The following PALM2AKAP2 variants were observed in gnomAD, a reference collection of about 807,000 sequenced individuals.
The protein encoded by PALM2AKAP2 is PALM2-AKAP2 fusion protein.
In PALM2AKAP2, 37 loss-of-function variants were observed where a neutral mutation model predicts 71.5. That is an observed-to-expected ratio of 0.52 (90% CI 0.40 to 0.68). The LOEUF (loss-of-function observed/expected upper bound fraction) is 0.68. Among genes scored for constraint, PALM2AKAP2 ranks in the 30% least tolerant of loss-of-function variants. The probability of loss-of-function intolerance (pLI) is 0.00; values close to 1 mark genes in which losing one functional copy is unlikely to be tolerated. For synonymous variants in PALM2AKAP2, 468 were observed against 478.8 expected (o/e 0.98, Z 0.29); for missense variants, 1,224 against 1,191.8 (o/e 1.03, Z -0.40).
At chr9:109,723,019 A>T (rs1828427644) in intron 1 of PALM2AKAP2, among the ~76,000 whole-genome samples, 1 of 151,924 alleles carries the variant, frequency 6.6e-6, no homozygotes, top group African/African-American at 2.4e-5. Context: ...TTTTCTGGAA[A>T]CTCCGCAAAA....
chr9:110,022,755 A>C (rs1384257592), intron 7 of PALM2AKAP2, among the ~76,000 whole-genome samples: 3 of 146,166 alleles, frequency 2.1e-5, no homozygotes, highest in South Asian at 4.4e-4. Context: ...CAGTCCCCGG[A>C]GTGTGATGTT....
intron 1 of PALM2AKAP2, among the ~76,000 whole-genome samples, chr9:110,061,660 C>CAT (rs1036111776): frequency 1.1e-4 from 17 of 147,890 alleles, no homozygotes; most frequent in East Asian, 3.9e-4. Flanking sequence ...TGTGTGTGTA[C>CAT]ATATATATAT....
intron 1 of PALM2AKAP2, among the ~76,000 whole-genome samples, chr9:109,851,829 CT>C (rs1829029763): frequency 6.6e-6 from 1 of 152,178 alleles, no homozygotes. Flanking sequence ...GGTTTGCTAA[CT>C]TGAGCATCCT....
chr9:110,090,333 G>A (rs1330424664), intron 1 of PALM2AKAP2: 1 of 456,676 alleles, frequency 2.2e-6, no homozygotes, highest in East Asian at 7.0e-5. Context: ...CGAAGCTGTA[G>A]GCACAGTGGG....
chr9:110,055,560 G>GACCT (rs1330734683), intron 1 of PALM2AKAP2, among the ~76,000 whole-genome samples: 26 of 152,110 alleles, frequency 1.7e-4, no homozygotes, highest in African/African-American at 6.0e-4. Flanking sequence ...CTACGCTTAC[G>GACCT]ACCTAATCAC....
At chr9:109,838,923 C>T (rs560585860) in intron 1 of PALM2AKAP2, among the ~76,000 whole-genome samples, 1 of 152,256 alleles carries the variant, frequency 6.6e-6, no homozygotes, top group South Asian at 2.1e-4. Context: ...AGTCCAGGAC[C>T]AGACGGATTC....
At chr9:110,067,915 T>TTCCCCC (rs1564287708) in intron 1 of PALM2AKAP2, among the ~76,000 whole-genome samples, 19 of 151,328 alleles carry the variant, frequency 1.3e-4, no homozygotes, top group African/African-American at 4.2e-4. Flanking sequence ...ACTTGGAGGT[T>TTCCCCC]AATTTTGTCT....
chr9:110,068,348 T>G (rs1467986975), intron 1 of PALM2AKAP2, among the ~76,000 whole-genome samples: 1 of 149,372 alleles, frequency 6.7e-6, no homozygotes, highest in Non-Finnish European at 1.5e-5. Flanking sequence ...ATAAGGGGTA[T>G]GGGTGGTGGT....
intron 6 of PALM2AKAP2, among the ~76,000 whole-genome samples, chr9:109,941,761 G>A (rs931329858): frequency 1.3e-5 from 2 of 152,202 alleles, no homozygotes; most frequent in African/African-American, 4.8e-5. Context: ...ACCCCAGACT[G>A]GCAGCAAGAG....
intron 1 of PALM2AKAP2, among the ~76,000 whole-genome samples, chr9:109,804,198 A>G (rs1236962381): frequency 6.6e-6 from 1 of 152,182 alleles, no homozygotes; most frequent in Non-Finnish European, 1.5e-5. Context: ...ATCACTGGAG[A>G]AAACAGATTA....
At chr9:110,053,232 G>A (rs1040806015) in intron 1 of PALM2AKAP2, among the ~76,000 whole-genome samples, 1 of 152,132 alleles carries the variant, frequency 6.6e-6, no homozygotes, top group African/African-American at 2.4e-5. Context: ...AGGATCAAGA[G>A]ACATGTAACT....
At chr9:109,856,446 G>A (rs558049991) in intron 1 of PALM2AKAP2, among the ~76,000 whole-genome samples, 93 of 152,332 alleles carry the variant, frequency 6.1e-4, no homozygotes, top group African/African-American at 2.2e-3. Flanking sequence ...GTAAGCTGAA[G>A]GGCAGGTCTT....
intron 3 of PALM2AKAP2, among the ~76,000 whole-genome samples, chr9:109,895,018 C>G (rs987632769): frequency 2.0e-5 from 3 of 152,222 alleles, no homozygotes; most frequent in Non-Finnish European, 4.4e-5. Flanking sequence ...CCCCACACCA[C>G]TTCCCATCAT....
chr9:110,136,746 T>G, exon 2 of PALM2AKAP2: 1 of 1,614,128 alleles, frequency 6.2e-7, no homozygotes, highest in Non-Finnish European at 8.5e-7. Context: ...GAGTTCACTC[T>G]CACCACACTG....
chr9:110,134,562 A>G (rs1462222085), intron 1 of PALM2AKAP2, among the ~76,000 whole-genome samples: 1 of 152,238 alleles, frequency 6.6e-6, no homozygotes, highest in Non-Finnish European at 1.5e-5. Flanking sequence ...CAGTTCATGG[A>G]TAACTCAGAG....
chr9:109,802,721 G>T (rs1463140269), intron 1 of PALM2AKAP2, among the ~76,000 whole-genome samples: 1 of 152,126 alleles, frequency 6.6e-6, no homozygotes, highest in Non-Finnish European at 1.5e-5. Flanking sequence ...TCATAGTCTG[G>T]AGAACTAGTC....
intron 1 of PALM2AKAP2, among the ~76,000 whole-genome samples, chr9:110,094,663 CGGGGCGGG>C (rs147244550): frequency 7.7e-4 from 20 of 25,852 alleles, no homozygotes; most frequent in African/African-American, 3.1e-3. Context: ...AATAGCACCA[CGGGGCGGG>C]GGGGCGGGTA....
chr9:110,073,822 G>GT (rs917430966), intron 1 of PALM2AKAP2, among the ~76,000 whole-genome samples: 8 of 152,188 alleles, frequency 5.3e-5, no homozygotes, highest in East Asian at 1.9e-4. Context: ...AATGCTGTTA[G>GT]TTTTTTTCTG....
chr9:110,135,537 A>G (rs1189532187), intron 1 of PALM2AKAP2, among the ~76,000 whole-genome samples: 3 of 152,114 alleles, frequency 2.0e-5, no homozygotes, highest in Non-Finnish European at 4.4e-5. Context: ...ATTTTGATGC[A>G]ATCCCAGAAA....
Sources: gnomAD v4.1 joint callset for allele counts (sites outside exome capture counted in the v4.1 genomes callset) on GRCh38, gnomAD v4.1.1 for gene constraint, MANE v1.5 for transcripts, NCBI Gene and HGNC (gene_info 2026-07-23, HGNC 2026-07-21) for gene names.